Variants in STAG1 observed in about 807,000 individuals in gnomAD.
STAG1 encodes cohesin subunit SA-1.
STAG1 carries 26 observed loss-of-function variants against 170.9 expected under a neutral mutation model. The observed-to-expected ratio is 0.15, with a 90% CI of 0.11 to 0.21. The LOEUF (loss-of-function observed/expected upper bound fraction) is 0.21, where lower values mean the gene tolerates loss of function less well. Among genes scored for constraint, STAG1 ranks in the 10% least tolerant of loss-of-function variants. The pLI is 1.00. For synonymous variants in STAG1, 514 were observed against 497.7 expected (o/e 1.03, Z -0.44); for missense variants, 964 against 1,509.5 (o/e 0.64, Z 5.99).
At chr3:136,697,855 T>C (rs1204999057) in intron 1 of STAG1, among the ~76,000 whole-genome samples, 6 of 152,162 alleles carry the variant, frequency 3.9e-5, no homozygotes, top group Non-Finnish European at 8.8e-5. Flanking sequence ...TGTGTTAATA[T>C]AGGGATTAGA....
intron 1 of STAG1, among the ~76,000 whole-genome samples, chr3:136,670,894 G>C (rs1318280897): frequency 6.6e-6 from 1 of 152,134 alleles, no homozygotes; most frequent in Non-Finnish European, 1.5e-5. Context: ...CCAGATGTTG[G>C]TGGAATTTTG....
intron 4 of STAG1, among the ~76,000 whole-genome samples, chr3:136,590,281 G>C (rs773380230): frequency 4.0e-5 from 6 of 151,830 alleles, no homozygotes; most frequent in Non-Finnish European, 7.4e-5. Context: ...TCAGGAGTTC[G>C]AGACCAGTCT....
chr3:136,477,167 T>A, intron 10 of STAG1, 122 bp downstream of exon 10: 7 of 1,070,430 alleles, frequency 6.5e-6, no homozygotes, highest in Non-Finnish European at 9.1e-6. Flanking sequence ...TTCAGCTGCA[T>A]CATCTTAAAA....
chr3:136,410,066 T>C (rs1274616641), intron 21 of STAG1, among the ~76,000 whole-genome samples: 2 of 111,138 alleles, frequency 1.8e-5, no homozygotes, highest in Non-Finnish European at 3.6e-5. Flanking sequence ...AAAGTCCTTG[T>C]CTAAAAAAAA....
rs114732533 is a variant in STAG1, at chr3:136,622,699, C to T, written c.132+447G>A. ...ATGCATGCTTAAATTATGACTGATG[C>T]TCGTACAATACATTAAGCTATCTCT... On this transcript the variant is annotated intron_variant, in intron 3 of 33. Coordinates refer to ENST00000383202, the MANE Select transcript of STAG1 (RefSeq NM_005862.3). 7.5e-3 allele frequency among the ~76,000 whole-genome samples: 1,148 copies of T among 152,228 alleles called. 18 individuals carry two copies. The highest frequency in any genetic ancestry group is 0.026 in the African/African-American group (1,095 of 41,544).
intron 26 of STAG1, among the ~76,000 whole-genome samples, chr3:136,360,362 T>C (rs941610756): frequency 1.3e-5 from 2 of 152,182 alleles, no homozygotes; most frequent in African/African-American, 4.8e-5. Context: ...GTACTAGATG[T>C]ATACATCTTA....
Position 136,656,283 on chromosome 3 carries a change from G to T in STAG1, c.-83-25302C>A, listed in dbSNP as rs187744486. Among the ~76,000 whole-genome samples the T allele has an allele frequency of 6.9e-4, 105 of 152,230 alleles. 1 individual carries two copies. The East Asian group carries it at 0.017, about 24-fold the overall frequency. On this transcript the variant is annotated intron_variant, in intron 1 of 33. Coordinates refer to ENST00000383202, the MANE Select transcript of STAG1 (RefSeq NM_005862.3). ...GCCTGAAGCTGGGGTTGGGGGCACT[G>T]AAGGGTTTTTATTTAACGGGTATAG... is the stretch of plus-strand genomic sequence containing the variant.
At chr3:136,751,812 G>A (rs933206608) in intron 1 of STAG1, among the ~76,000 whole-genome samples, 8 of 151,136 alleles carry the variant, frequency 5.3e-5, no homozygotes, top group African/African-American at 1.2e-4. Context: ...CCCGGGCGGG[G>A]GGGGGCGGAG....
rs750757130 is a variant in STAG1, at chr3:136,544,655, C to CCTG, written c.395-2461_395-2460insCAG. 1.8e-4 allele frequency among the ~76,000 whole-genome samples: 28 copies of CCTG among 151,852 alleles called. No homozygotes were observed. The East Asian group carries it at 2.5e-3, about 14-fold the overall frequency. On this transcript the variant is annotated intron_variant, in intron 5 of 33. Transcript: ENST00000383202. ...TGGCACATGCCTGTAATCTCAGCTACTCAGGAGGCTGAGGCACAAGAATCT... is the reference window on the plus strand; with the variant it reads ...TGGCACATGCCTGTAATCTCAGCTACCTGTCAGGAGGCTGAGGCACAAGAATCT...
At chr3:136,363,787 G>A (rs1416123327) in intron 25 of STAG1, among the ~76,000 whole-genome samples, 1 of 152,126 alleles carries the variant, frequency 6.6e-6, no homozygotes, top group Non-Finnish European at 1.5e-5. Flanking sequence ...GTTTGATACA[G>A]GGTCTCACTC....
Position 136,424,488 on chromosome 3 carries a change from C to T in STAG1, c.1651-1444G>A, listed in dbSNP as rs151217282. Among the ~76,000 whole-genome samples, 574 of 152,136 alleles carry T rather than the reference C, an allele frequency of 3.8e-3. 3 individuals are homozygous for T. Among genetic ancestry groups the T allele is most frequent in the African/African-American group, 0.013 (543 of 41,502 alleles). The stretch of plus-strand genomic sequence containing the variant: ...TAGCTGGGACTACAGGTGCGTACCA[C>T]TAAGTCGGGCTAAGTTTTGTATTTT... On this transcript the variant is annotated intron_variant, in intron 16 of 33. Transcript: ENST00000383202.
intron 6 of STAG1, among the ~76,000 whole-genome samples, chr3:136,536,403 T>C (rs1412948033): frequency 1.3e-5 from 2 of 152,148 alleles, no homozygotes; most frequent in Non-Finnish European, 2.9e-5. Context: ...CATTTCAGTA[T>C]CATAAACTTC....
At chr3:136,356,751 TTTTA>T (rs533127540) in intron 28 of STAG1, among the ~76,000 whole-genome samples, 94 of 150,190 alleles carry the variant, frequency 6.3e-4, no homozygotes, top group African/African-American at 2.3e-3. Flanking sequence ...AAAGTTTTTA[TTTTA>T]TTTTATTTTT....
chr3:136,555,658 T>A (rs906532561), intron 5 of STAG1, among the ~76,000 whole-genome samples: 2 of 152,018 alleles, frequency 1.3e-5, no homozygotes, highest in Non-Finnish European at 2.9e-5. Context: ...TACTCCAGCC[T>A]GGGCTACAGA....
At chr3:136,451,465 T>C in intron 14 of STAG1, among the ~76,000 whole-genome samples, 1 of 151,558 alleles carries the variant, frequency 6.6e-6, no homozygotes, top group South Asian at 2.1e-4. Context: ...AAGGCAACAA[T>C]AAAAAAAAGG....
chr3:136,668,744 G>A (rs1436397210), intron 1 of STAG1, among the ~76,000 whole-genome samples: 1 of 152,152 alleles, frequency 6.6e-6, no homozygotes, highest in Non-Finnish European at 1.5e-5. Context: ...CAGTCACTGG[G>A]AGGGAGCTGC....
At chr3:136,714,966 TTA>T (rs1553770578) in intron 1 of STAG1, among the ~76,000 whole-genome samples, 10 of 102,486 alleles carry the variant, frequency 9.8e-5, no homozygotes, top group East Asian at 9.3e-4. Flanking sequence ...TATATATATT[TTA>T]TATATATATT....
intron 1 of STAG1, among the ~76,000 whole-genome samples, chr3:136,734,833 A>C (rs1200506552): frequency 6.6e-6 from 1 of 152,210 alleles, no homozygotes; most frequent in East Asian, 1.9e-4. Flanking sequence ...TATTTGCTGA[A>C]TCTTAACTGA....
chr3:136,631,649 T>C (rs1354264984), intron 1 of STAG1, among the ~76,000 whole-genome samples: 2 of 152,164 alleles, frequency 1.3e-5, no homozygotes, highest in Non-Finnish European at 2.9e-5. Flanking sequence ...TGTGCACGTG[T>C]AGGGACAGAG....
Sources: allele counts gnomAD v4.1 joint callset (sites outside exome capture counted in the v4.1 genomes callset), GRCh38; gene constraint gnomAD v4.1.1; transcripts MANE v1.5; gene names NCBI Gene and HGNC (gene_info 2026-07-23, HGNC 2026-07-21).